The following SPTLC1 variants were observed in gnomAD, a reference collection of about 807,000 sequenced individuals.
SPTLC1 encodes serine palmitoyltransferase 1.
Under a neutral mutation model 68.9 loss-of-function variants are expected in SPTLC1, and 55 were observed. The ratio of observed to expected loss-of-function variants is 0.80; its 90% CI spans 0.64 to 1.00. SPTLC1 has a LOEUF of 1.00. Ranked by LOEUF, SPTLC1 falls within the 50% of genes least tolerant of loss-of-function variation. The pLI, the probability that SPTLC1 is intolerant of heterozygous loss-of-function variation, is 0.00. For synonymous variants in SPTLC1, 197 were observed against 201.6 expected, an observed-to-expected ratio of 0.98 and a Z score of 0.19; for missense variants, 449 against 573.1, an observed-to-expected ratio of 0.78 and a Z score of 2.21.
At chr9:92,046,100 G>C (rs369676873) in intron 11 of SPTLC1, 47 bp from the exon 12 acceptor site, 28 of 1,468,556 alleles carry the variant, frequency 1.9e-5, no homozygotes, top group Non-Finnish European at 2.4e-5. Flanking sequence ...ACTTATGATA[G>C]TACTAACCTA....
intron 8 of SPTLC1, among the ~76,000 whole-genome samples, chr9:92,053,081 G>A (rs1327206266): frequency 1.3e-5 from 2 of 149,108 alleles, no homozygotes; most frequent in Non-Finnish European, 3.0e-5. Flanking sequence ...CAAAGCACCT[G>A]AATAGATATG....
chr9:92,114,937 C>G (rs572628240), intron 1 of SPTLC1: 5 of 319,110 alleles, frequency 1.6e-5, no homozygotes, highest in Non-Finnish European at 3.0e-5. Context: ...TTCCAAAGAG[C>G]TGACTTCCTT....
intron 14 of SPTLC1, 114 bp downstream of exon 14, chr9:92,034,695 GA>G (rs1833082598): frequency 1.2e-6 from 1 of 850,266 alleles, no homozygotes; most frequent in African/African-American, 1.7e-5. Context: ...ATATTTTAAT[GA>G]CAGATATTCT....
chr9:92,085,445 T>C (rs1835084152), intron 3 of SPTLC1, among the ~76,000 whole-genome samples: 1 of 152,152 alleles, frequency 6.6e-6, no homozygotes, highest in Non-Finnish European at 1.5e-5. Flanking sequence ...TGTAGTGTCT[T>C]TGTTCTCGTT....
chr9:92,102,884 A>G (rs1439663314), intron 3 of SPTLC1, among the ~76,000 whole-genome samples: 6 of 152,160 alleles, frequency 3.9e-5, no homozygotes, highest in Non-Finnish European at 8.8e-5. Context: ...TTTTTCATAC[A>G]TGTTTCCCTA....
At chr9:92,066,468 G>A (rs567165287) in intron 6 of SPTLC1, among the ~76,000 whole-genome samples, 1 of 152,254 alleles carries the variant, frequency 6.6e-6, no homozygotes, top group South Asian at 2.1e-4. Context: ...GAGGAACAGT[G>A]TTCTAGTCAG....
chr9:92,096,619 C>T (rs1835540230), intron 3 of SPTLC1, among the ~76,000 whole-genome samples: 1 of 152,112 alleles, frequency 6.6e-6, no homozygotes, highest in Non-Finnish European at 1.5e-5. Context: ...GGTGCTAGGA[C>T]AACTTGACAT....
intron 14 of SPTLC1, among the ~76,000 whole-genome samples, chr9:92,034,121 G>A (rs982177650): frequency 6.6e-6 from 1 of 152,194 alleles, no homozygotes; most frequent in African/African-American, 2.4e-5. Flanking sequence ...CCCACAGGAT[G>A]CCCGACACAC....
intron 3 of SPTLC1, among the ~76,000 whole-genome samples, chr9:92,091,490 C>T (rs1295930810): frequency 6.6e-6 from 1 of 152,168 alleles, no homozygotes; most frequent in East Asian, 1.9e-4. Flanking sequence ...AAAACTGCTG[C>T]ATGGGGTAAA....
chr9:92,097,738 T>C (rs562701845), intron 3 of SPTLC1, among the ~76,000 whole-genome samples: 1 of 152,314 alleles, frequency 6.6e-6, no homozygotes, highest in African/African-American at 2.4e-5. Flanking sequence ...TGGAATTAGA[T>C]GGTGGTGATA....
intron 12 of SPTLC1, among the ~76,000 whole-genome samples, chr9:92,039,156 CT>C (rs1369822463): frequency 1.3e-5 from 2 of 152,200 alleles, no homozygotes; most frequent in East Asian, 3.9e-4. Flanking sequence ...CAAAGAAAAA[CT>C]CAACAAATAC....
intron 5 of SPTLC1, among the ~76,000 whole-genome samples, chr9:92,070,951 C>A (rs1225941559): frequency 6.6e-6 from 1 of 152,136 alleles, no homozygotes; most frequent in Non-Finnish European, 1.5e-5. Flanking sequence ...CAGCTTCTCA[C>A]TTACAAGGAG....
chr9:92,086,956 T>C (rs1352340959), intron 3 of SPTLC1, among the ~76,000 whole-genome samples: 1 of 152,228 alleles, frequency 6.6e-6, no homozygotes, highest in Non-Finnish European at 1.5e-5. Context: ...TTATTCTTTT[T>C]TCTCTAAACT....
chr9:92,034,355 T>C (rs2118341299), intron 14 of SPTLC1, among the ~76,000 whole-genome samples: 1 of 152,394 alleles, frequency 6.6e-6, no homozygotes, highest in Non-Finnish European at 1.5e-5. Flanking sequence ...TTCTTGATGC[T>C]GTACATTTTC....
At chr9:92,038,733 G>A (rs1833239896) in intron 12 of SPTLC1, among the ~76,000 whole-genome samples, 1 of 152,224 alleles carries the variant, frequency 6.6e-6, no homozygotes, top group Non-Finnish European at 1.5e-5. Flanking sequence ...TTGGCTGCAT[G>A]TGCCAGGGCC....
At position 92,077,689 on chromosome 9, in the gene SPTLC1, C is replaced by T. The variant is rs115815135; in HGVS notation, c.427+2327G>A. Among the ~76,000 whole-genome samples the T allele has an allele frequency of 4.2e-3, 643 of 152,318 alleles. 7 individuals are homozygous for T. Among genetic ancestry groups the T allele is most frequent in the African/African-American group, 0.015 (605 of 41,556 alleles). ...CTTATGTCCCTACTAACCATTCTCA[C>T]GTACTTCTAAATGCCCTGCTTTTGT... is the stretch of plus-strand genomic sequence containing the variant. On this transcript the variant is annotated intron_variant, in intron 5 of 14. Coordinates refer to ENST00000262554, the MANE Select transcript of SPTLC1 (RefSeq NM_006415.4).
At chr9:92,039,666 T>A (rs1159477770) in intron 12 of SPTLC1, among the ~76,000 whole-genome samples, 1 of 152,208 alleles carries the variant, frequency 6.6e-6, no homozygotes. Flanking sequence ...GATTTGTTTT[T>A]CCCTCAGAAT....
chr9:92,040,245 C>G (rs1266119437), intron 12 of SPTLC1, among the ~76,000 whole-genome samples: 1 of 151,772 alleles, frequency 6.6e-6, no homozygotes, highest in Admixed American at 6.6e-5. Flanking sequence ...TGGTGGACAC[C>G]TATAATCCCA....
intron 3 of SPTLC1, among the ~76,000 whole-genome samples, chr9:92,101,076 G>A (rs1835730609): frequency 1.3e-5 from 2 of 152,140 alleles, no homozygotes. Flanking sequence ...CACCAAAGTT[G>A]CACAATAATT....
Sources: gnomAD v4.1 joint callset for allele counts (sites outside exome capture counted in the v4.1 genomes callset) on GRCh38, gnomAD v4.1.1 for gene constraint, MANE v1.5 for transcripts, NCBI Gene and HGNC (gene_info 2026-07-23, HGNC 2026-07-21) for gene names.